DLGAP2: variants seen among roughly 807,000 people sequenced by gnomAD.
DLGAP2 encodes the protein disks large-associated protein 2.
In DLGAP2, 26 loss-of-function variants were observed where a neutral mutation model predicts 100.3. That is an observed-to-expected ratio of 0.26 (90% CI 0.19 to 0.36). The LOEUF is 0.36. Ranked by LOEUF, DLGAP2 falls within the 10% of genes least tolerant of loss-of-function variation. DLGAP2 has a pLI of 1.00. For missense variants in DLGAP2, 1,858 were observed against 1,453.2 expected (o/e 1.28, Z -4.53); for synonymous variants, 886 against 630.1 (o/e 1.41, Z -6.08).
intron 3 of DLGAP2, among the ~76,000 whole-genome samples, chr8:1,344,187 T>A (rs1801500251): frequency 6.6e-6 from 1 of 151,456 alleles, no homozygotes; most frequent in South Asian, 2.1e-4. Flanking sequence ...CTGTCGTGGG[T>A]CCGTGTACTC....
Position 1,360,212 on chromosome 8 carries a change from T to TCCGGGGCGGGGCTTC in DLGAP2, c.106+101329_106+101330insCCGGGGCGGGGCTTC, listed in dbSNP as rs1563104595. Among the ~76,000 whole-genome samples the TCCGGGGCGGGGCTTC allele has an allele frequency of 3.2e-3, 316 of 99,390 alleles. 17 individuals are homozygous for TCCGGGGCGGGGCTTC. Among genetic ancestry groups the TCCGGGGCGGGGCTTC allele is most frequent in the African/African-American group, 0.012 (278 of 24,006 alleles). 65.2% of individuals were successfully genotyped at this position (99,390 alleles called of 152,430 possible). A position where few individuals can be genotyped will look rare whatever the true frequency, so the allele number is the denominator to read the frequency against. ...CCGGGTGTGCTCAGGGGCGGGGCTT[T>TCCGGGGCGGGGCTTC]TCCGGGGCGGGGCTTCTCCGGGGCG... On this transcript the variant is annotated intron_variant, in intron 3 of 14. Coordinates refer to ENST00000637795, the MANE Select transcript of DLGAP2 (RefSeq NM_001346810.2).
At chr8:1,673,575 A>G (rs902600808) in intron 10 of DLGAP2, among the ~76,000 whole-genome samples, 2 of 152,236 alleles carry the variant, frequency 1.3e-5, no homozygotes, top group Non-Finnish European at 2.9e-5. Context: ...TGTAATATAC[A>G]TACCACTATT....
At chr8:1,410,770 G>C (rs1331822193) in intron 3 of DLGAP2, among the ~76,000 whole-genome samples, 1 of 151,940 alleles carries the variant, frequency 6.6e-6, no homozygotes, top group Non-Finnish European at 1.5e-5. Context: ...TTCTTGTTCA[G>C]GAATTTTCCC....
chr8:1,608,334 C>T (rs1197602230), intron 6 of DLGAP2, among the ~76,000 whole-genome samples: 5 of 98,002 alleles, frequency 5.1e-5, no homozygotes, highest in Admixed American at 1.2e-4. Context: ...AGGGTGCTGT[C>T]TGTTAGAAGG....
intron 7 of DLGAP2, among the ~76,000 whole-genome samples, chr8:1,629,929 C>T (rs997075081): frequency 6.6e-6 from 1 of 152,112 alleles, no homozygotes; most frequent in African/African-American, 2.4e-5. Flanking sequence ...TTGATGAACC[C>T]AAGATGGTAT....
chr8:1,687,974 C>T (rs1307542046), intron 12 of DLGAP2, among the ~76,000 whole-genome samples: 1 of 152,150 alleles, frequency 6.6e-6, no homozygotes, highest in Non-Finnish European at 1.5e-5. Context: ...AAAGATGATT[C>T]CTCCCCTCGT....
intron 3 of DLGAP2, among the ~76,000 whole-genome samples, chr8:1,303,771 T>G (rs1461564144): frequency 1.3e-5 from 2 of 152,034 alleles, no homozygotes; most frequent in African/African-American, 4.8e-5. Context: ...TCATAGGGGC[T>G]AAATTAATCC....
chr8:820,965 A>G (rs868523181), intron 1 of DLGAP2, among the ~76,000 whole-genome samples: 8 of 152,202 alleles, frequency 5.3e-5, no homozygotes, highest in Non-Finnish European at 8.8e-5. Context: ...AGAACGGTGG[A>G]GAGTTGAACA....
chr8:1,072,221 C>A (rs1803454814), intron 2 of DLGAP2, among the ~76,000 whole-genome samples: 1 of 152,144 alleles, frequency 6.6e-6, no homozygotes, highest in African/African-American at 2.4e-5. Context: ...GGACCGGGAG[C>A]CTCCTGATTG....
At chr8:1,460,060 A>G (rs1207195882) in intron 3 of DLGAP2, among the ~76,000 whole-genome samples, 1 of 152,256 alleles carries the variant, frequency 6.6e-6, no homozygotes. Context: ...GAGAACACCC[A>G]TCCCATGTCA....
intron 4 of DLGAP2, among the ~76,000 whole-genome samples, chr8:1,546,306 C>T (rs1801532326): frequency 6.6e-6 from 1 of 152,184 alleles, no homozygotes; most frequent in African/African-American, 2.4e-5. Context: ...GGAGCAATCC[C>T]TTTGCTGGCC....
chr8:959,848 C>T (rs1228183651), intron 2 of DLGAP2, among the ~76,000 whole-genome samples: 1 of 152,156 alleles, frequency 6.6e-6, no homozygotes, highest in Non-Finnish European at 1.5e-5. Flanking sequence ...CAATGATTTT[C>T]ATGCTCATAT....
intron 2 of DLGAP2, among the ~76,000 whole-genome samples, chr8:1,048,212 C>T (rs901909611): frequency 1.3e-5 from 2 of 152,148 alleles, no homozygotes; most frequent in Non-Finnish European, 2.9e-5. Context: ...GCACGTAGAT[C>T]GCTCAGAACT....
At chr8:1,163,669 C>G (rs879283282) in intron 2 of DLGAP2, among the ~76,000 whole-genome samples, 1 of 152,130 alleles carries the variant, frequency 6.6e-6, no homozygotes, top group Non-Finnish European at 1.5e-5. Context: ...GGCCGGGGAT[C>G]GAGAAAACGC....
At chr8:1,339,190 C>T (rs543878105) in intron 3 of DLGAP2, among the ~76,000 whole-genome samples, 99 of 149,512 alleles carry the variant, frequency 6.6e-4, no homozygotes, top group Non-Finnish European at 1.2e-3. Context: ...GGCGTCAGGA[C>T]GTGTGAGGGA....
intron 1 of DLGAP2, among the ~76,000 whole-genome samples, chr8:769,641 A>G (rs1821305074): frequency 6.6e-6 from 1 of 152,086 alleles, no homozygotes; most frequent in African/African-American, 2.4e-5. Context: ...TTGGGATTTG[A>G]GTGGCTCAGG....
chr8:1,542,279 C>T (rs1020248517), intron 4 of DLGAP2, among the ~76,000 whole-genome samples: 1 of 152,198 alleles, frequency 6.6e-6, no homozygotes, highest in South Asian at 2.1e-4. Flanking sequence ...ATAAAAGTCA[C>T]GCTTTAGGAT....
intron 4 of DLGAP2, among the ~76,000 whole-genome samples, chr8:1,530,264 G>A (rs889573805): frequency 2.0e-5 from 3 of 152,058 alleles, no homozygotes; most frequent in Non-Finnish European, 4.4e-5. Flanking sequence ...CTCCAGGCAC[G>A]TATTCTCTTT....
At chr8:763,339 A>C (rs1821134072) in intron 1 of DLGAP2, among the ~76,000 whole-genome samples, 1 of 152,224 alleles carries the variant, frequency 6.6e-6, no homozygotes, top group African/African-American at 2.4e-5. Context: ...GTTGTCACTC[A>C]TCTTCTTGCA....
Sources: allele counts gnomAD v4.1 joint callset (sites outside exome capture counted in the v4.1 genomes callset), GRCh38; gene constraint gnomAD v4.1.1; transcripts MANE v1.5; gene names NCBI Gene and HGNC (gene_info 2026-07-23, HGNC 2026-07-21).